TMEM183A: variants seen among roughly 807,000 people sequenced by gnomAD.
The protein encoded by TMEM183A is transmembrane protein 183A.
A neutral mutation model predicts 46.7 loss-of-function variants in TMEM183A; 21 were observed. The observed-to-expected ratio is 0.45, with a 90% CI of 0.32 to 0.65. TMEM183A has a LOEUF of 0.65. TMEM183A is among the 30% of genes least tolerant of loss of function. TMEM183A has a pLI of 0.04. For missense variants in TMEM183A, 331 were observed against 481.9 expected (o/e 0.69, Z 2.93); for synonymous variants, 165 against 180.2 (o/e 0.92, Z 0.68).
At chr1:203,014,626 A>C (rs915441276) in intron 3 of TMEM183A, among the ~76,000 whole-genome samples, 5 of 36,516 alleles carry the variant, frequency 1.4e-4, no homozygotes, top group Non-Finnish European at 2.4e-4. Flanking sequence ...CTCTGTCCCA[A>C]AAAAAAAAAG....
Position 203,023,034 on chromosome 1 carries a change from A to C in TMEM183A, c.1125A>C (p.Arg375Ser). 3 of 1,539,700 alleles carry C rather than the reference A, an allele frequency of 1.9e-6. No individual in the cohort carries two copies. Among genetic ancestry groups the C allele is most frequent in the Non-Finnish European group, 2.6e-6 (3 of 1,132,466 alleles). ...WWHPQYPFSL[R>S]A Reference sequence around the variant, plus strand: ...ATCCTCAGTACCCATTCTCCCTGAGAGCGTAGTTACTGCTTCCCATCCCTT... The same window carrying C: ...ATCCTCAGTACCCATTCTCCCTGAGCGCGTAGTTACTGCTTCCCATCCCTT... The change falls in exon 8 of 8, where the codon AGA becomes AGC. Residue 375 changes from arginine (R) to serine (S), a missense_variant. Physicochemically the swap from Arg to Ser is moderately radical, Grantham distance 110. Coordinates refer to ENST00000367242, the MANE Select transcript of TMEM183A (RefSeq NM_138391.6).
intron 4 of TMEM183A, 107 bp from the exon 5 acceptor site, chr1:203,015,853 G>C: frequency 7.1e-7 from 1 of 1,404,736 alleles, no homozygotes; most frequent in Non-Finnish European, 9.6e-7. Flanking sequence ...CTACTGGCCA[G>C]TGGAATAGTG....
chr1:203,017,733 A>C, intron 5 of TMEM183A: 1 of 985,448 alleles, frequency 1.0e-6, no homozygotes. Flanking sequence ...TTCGTATTTG[A>C]TTCCCCCTCT....
Position 203,007,429 on chromosome 1 carries a change from G to T in TMEM183A, c.-37G>T, listed in dbSNP as rs780849164. The T allele has an allele frequency of 1.9e-5, 26 of 1,397,428 alleles. No homozygotes were observed. Among genetic ancestry groups the T allele is most frequent in the Middle Eastern group, 2.6e-4 (1 of 3,790 alleles). 86.6% of individuals were successfully genotyped at this position (1,397,428 alleles called of 1,614,324 possible). On this transcript the variant is annotated 5_prime_UTR_variant, in exon 1 of 8. Coordinates refer to ENST00000367242, the MANE Select transcript of TMEM183A (RefSeq NM_138391.6). ...ATGGCCGCGGAGCCGGGCGGAGCTGGCTTGCGGCTCCCGGGGCCGGCTCTC... is the reference window on the plus strand; with the variant it reads ...ATGGCCGCGGAGCCGGGCGGAGCTGTCTTGCGGCTCCCGGGGCCGGCTCTC...
intron 6 of TMEM183A, among the ~76,000 whole-genome samples, chr1:203,019,857 T>C (rs1657500074): frequency 6.6e-6 from 1 of 152,208 alleles, no homozygotes; most frequent in East Asian, 1.9e-4. Context: ...AGGACACCTG[T>C]ATTATTAGGT....
intron 3 of TMEM183A, among the ~76,000 whole-genome samples, chr1:203,011,069 A>ATGC (rs1371397933): frequency 6.6e-6 from 1 of 152,228 alleles, no homozygotes; most frequent in Non-Finnish European, 1.5e-5. Context: ...GCTATGAATA[A>ATGC]TGCTGCTGTG....
rs1453980732 is a variant in TMEM183A at position 203,015,299 on chromosome 1, A to G, written c.527+251A>G. The G allele has an allele frequency of 2.8e-5, 15 of 533,646 alleles. No homozygotes were observed. The East Asian group carries it at 4.9e-4, about 17-fold the overall frequency. The allele number at this position is 533,646 out of a possible 1,614,324, so 33.1% of individuals were successfully genotyped here. A position where few individuals can be genotyped will look rare whatever the true frequency, so the allele number is the denominator to read the frequency against. On this transcript the variant is annotated intron_variant, in intron 4 of 7. Coordinates refer to ENST00000367242, the MANE Select transcript of TMEM183A (RefSeq NM_138391.6). ...CACTTTCAGCAAAACGTCTTGCTTC[A>G]AGTCCCAGATAGAAGAGTCTTTGAC...
At position 203,007,755 on chromosome 1, in the gene TMEM183A, G is replaced by A; in HGVS notation, c.110-19G>A. 6.2e-7 allele frequency: 1 copy of A among 1,613,720 alleles called. No individual in the cohort carries two copies. Among genetic ancestry groups the A allele is most frequent in the Non-Finnish European group, 8.5e-7 (1 of 1,179,656 alleles). ...GACGAGAGAAGGCCTCTTCCTTGAGGGTTGGTGCTGTGTTGCAGTGACCGT... is the reference window on the plus strand; with the variant it reads ...GACGAGAGAAGGCCTCTTCCTTGAGAGTTGGTGCTGTGTTGCAGTGACCGT... On this transcript the variant is annotated intron_variant, in intron 1 of 7. Coordinates refer to ENST00000367242, the MANE Select transcript of TMEM183A (RefSeq NM_138391.6).
chr1:203,007,939 G>A, intron 2 of TMEM183A, 76 bp downstream of exon 2: 1 of 1,562,032 alleles, frequency 6.4e-7, no homozygotes, highest in South Asian at 1.2e-5. Flanking sequence ...TTTTCTTGCA[G>A]TCCTTTAGTC....
intron 3 of TMEM183A, among the ~76,000 whole-genome samples, chr1:203,014,340 C>G (rs1452916707): frequency 1.3e-5 from 2 of 152,170 alleles, no homozygotes; most frequent in Non-Finnish European, 2.9e-5. Context: ...CAGTGGCTCA[C>G]GCCAGTAATC....
chr1:203,009,274 A>G (rs972201447), intron 3 of TMEM183A, among the ~76,000 whole-genome samples: 4 of 152,260 alleles, frequency 2.6e-5, no homozygotes, highest in Non-Finnish European at 4.4e-5. Flanking sequence ...GTGCTCTGCA[A>G]TTAGTAATGT....
chr1:203,011,676 T>C (rs1300256529), intron 3 of TMEM183A, among the ~76,000 whole-genome samples: 3 of 152,208 alleles, frequency 2.0e-5, no homozygotes, highest in Non-Finnish European at 2.9e-5. Context: ...CCCAAAGTGT[T>C]GGGTTTACAG....
At chr1:203,011,406 A>C (rs367982780) in intron 3 of TMEM183A, among the ~76,000 whole-genome samples, 321 of 151,876 alleles carry the variant, frequency 2.1e-3, no homozygotes, top group Non-Finnish European at 3.3e-3. Context: ...TCTTCTTCTT[A>C]TTATTTTTTT....
At chr1:203,018,684 C>G in intron 6 of TMEM183A, 123 bp downstream of exon 6, 1 of 1,139,102 alleles carries the variant, frequency 8.8e-7, no homozygotes, top group Non-Finnish European at 1.3e-6. Context: ...TTAAAAAGAA[C>G]GAACTTTATT....
At chr1:203,022,110 A>G (rs555274418) in intron 7 of TMEM183A, among the ~76,000 whole-genome samples, 19 of 152,080 alleles carry the variant, frequency 1.2e-4, no homozygotes, top group Non-Finnish European at 2.4e-4. Flanking sequence ...TCTGTAGTCC[A>G]TGCTGGAGTG....
chr1:203,024,676 T>C lies in TMEM183A; in HGVS notation c.*1636T>C, dbSNP rs1467486954. ...AGACAACCTAAGGACAATGAGCACTTTGCAGATCTCTACAATTAAAAGTTG... is the reference window on the plus strand; with the variant it reads ...AGACAACCTAAGGACAATGAGCACTCTGCAGATCTCTACAATTAAAAGTTG... On this transcript the variant is annotated 3_prime_UTR_variant, in exon 8 of 8. Coordinates refer to ENST00000367242, the MANE Select transcript of TMEM183A (RefSeq NM_138391.6). 1 of 152,160 alleles carries C rather than the reference T, an allele frequency of 6.6e-6. No homozygotes were observed. The highest frequency in any genetic ancestry group is 1.5e-5 in the Non-Finnish European group (1 of 68,034). The allele number at this position is 152,160 out of a possible 1,614,324, so 9.4% of individuals were successfully genotyped here. A position where few individuals can be genotyped will look rare whatever the true frequency, so the allele number is the denominator to read the frequency against.
At chr1:203,010,623 C>G (rs1043160077) in intron 3 of TMEM183A, among the ~76,000 whole-genome samples, 11 of 152,268 alleles carry the variant, frequency 7.2e-5, no homozygotes, top group Middle Eastern at 3.4e-3. Context: ...CACTTGAAAT[C>G]GCTACTTATC....
rs908985854 is a variant in TMEM183A, at chr1:203,023,920, T to G, written c.*880T>G. 4 of 152,034 alleles carry G rather than the reference T, an allele frequency of 2.6e-5. No homozygotes were observed. The highest frequency in any genetic ancestry group is 7.2e-5 in the African/African-American group (3 of 41,402). 9.4% of individuals were successfully genotyped at this position (152,034 alleles called of 1,614,324 possible). On this transcript the variant is annotated 3_prime_UTR_variant, in exon 8 of 8. Coordinates refer to ENST00000367242, the MANE Select transcript of TMEM183A (RefSeq NM_138391.6). ...CAGAGTGTACATAGATAAAAAAAAG[T>G]AAAAGGGTAAGTAAAAAATTGATTG...
At chr1:203,010,785 A>G (rs1310261296) in intron 3 of TMEM183A, among the ~76,000 whole-genome samples, 2 of 152,340 alleles carry the variant, frequency 1.3e-5, no homozygotes, top group East Asian at 3.9e-4. Context: ...AACCATCAAC[A>G]TGGTCTAAGT....
Sources: gnomAD v4.1 joint callset for allele counts (sites outside exome capture counted in the v4.1 genomes callset) on GRCh38, gnomAD v4.1.1 for gene constraint, MANE v1.5 for transcripts, NCBI Gene and HGNC (gene_info 2026-07-23, HGNC 2026-07-21) for gene names.